Variants in PAG1 observed in about 807,000 individuals in gnomAD.
The protein encoded by PAG1 is phosphoprotein associated with glycosphingolipid-enriched microdomains 1.
In PAG1, 23 loss-of-function variants were observed where a neutral mutation model predicts 31.7. That is an observed-to-expected ratio of 0.73 (90% CI 0.52 to 1.03). PAG1 has a LOEUF of 1.03. Among genes scored for constraint, PAG1 ranks in the 50% least tolerant of loss-of-function variants. PAG1 has a pLI of 0.00. For synonymous variants in PAG1, 214 were observed against 210.3 expected, an observed-to-expected ratio of 1.02 and a Z score of -0.15; for missense variants, 473 against 540.7, an observed-to-expected ratio of 0.87 and a Z score of 1.24.
chr8:81,059,498 TA>T lies in PAG1; in HGVS notation c.-175+10613del, dbSNP rs540677152. 3.2e-3 allele frequency among the ~76,000 whole-genome samples: 489 copies of T among 152,272 alleles called. 1 individual carries two copies. The highest frequency in any genetic ancestry group is 5.6e-3 in the Non-Finnish European group (382 of 68,022). On this transcript the variant is annotated intron_variant, in intron 2 of 8. Transcript: ENST00000220597. ...AAACATACCTCCTGCTTGGAAGAAG[TA>T]AGTCAGGGTTTGTTTGCCTGGAGTC...
chr8:81,030,611 C>T (rs1033411801), intron 2 of PAG1, among the ~76,000 whole-genome samples: 4 of 152,166 alleles, frequency 2.6e-5, no homozygotes, highest in Non-Finnish European at 5.9e-5. Context: ...CAGATCTAGC[C>T]CCGAGTTGTC....
chr8:80,996,125 T>C (rs930193320), intron 3 of PAG1, among the ~76,000 whole-genome samples: 1 of 152,252 alleles, frequency 6.6e-6, no homozygotes. Flanking sequence ...AAGGCCCCAG[T>C]TGCGGGGGCA....
chr8:81,007,230 C>T (rs1807897441), intron 3 of PAG1, among the ~76,000 whole-genome samples: 1 of 152,092 alleles, frequency 6.6e-6, no homozygotes, highest in African/African-American at 2.4e-5. Context: ...GTGCCAACAA[C>T]ATCTTCTAGA....
chr8:80,991,441 C>T lies in PAG1; in HGVS notation c.177+38G>A, dbSNP rs368519997. 4.3e-5 allele frequency: 66 copies of T among 1,536,690 alleles called. No individual in the cohort carries two copies. The East Asian group carries it at 4.7e-4, about 11-fold the overall frequency. On this transcript the variant is annotated intron_variant, in intron 5 of 8. Transcript: ENST00000220597. ...GATAAGTAGCTGATGTTCTGGAGCA[C>T]GCACGGACAGACAGGCAGACGACAC...
chr8:81,058,226 T>C (rs750020529), intron 2 of PAG1, among the ~76,000 whole-genome samples: 2 of 152,172 alleles, frequency 1.3e-5, no homozygotes, highest in Non-Finnish European at 2.9e-5. Flanking sequence ...AAGGGACCTG[T>C]AGATTCTTAT....
intron 5 of PAG1, among the ~76,000 whole-genome samples, chr8:80,987,685 T>C (rs1347279537): frequency 6.6e-6 from 1 of 152,232 alleles, no homozygotes; most frequent in Non-Finnish European, 1.5e-5. Flanking sequence ...ATATAGACTA[T>C]GTCTTTTCCT....
chr8:81,065,452 G>A (rs1206472984), intron 2 of PAG1, among the ~76,000 whole-genome samples: 1 of 151,916 alleles, frequency 6.6e-6, no homozygotes. Flanking sequence ...TTTAAATTAG[G>A]GGAAAAAAAC....
intron 2 of PAG1, among the ~76,000 whole-genome samples, chr8:81,069,897 C>T (rs1426086932): frequency 6.6e-6 from 1 of 152,156 alleles, no homozygotes; most frequent in Non-Finnish European, 1.5e-5. Context: ...TACCCATTGG[C>T]GTCTTGGTTT....
intron 1 of PAG1, among the ~76,000 whole-genome samples, chr8:81,085,635 A>G (rs1328686743): frequency 6.6e-6 from 1 of 152,210 alleles, no homozygotes. Context: ...AGGAATATAT[A>G]GGATTTTGTG....
chr8:80,980,202 T>G (rs1009823150), intron 8 of PAG1, among the ~76,000 whole-genome samples: 4 of 152,234 alleles, frequency 2.6e-5, no homozygotes, highest in Non-Finnish European at 5.9e-5. Flanking sequence ...CCTGCTTTCC[T>G]GCTCAGTTTC....
intron 2 of PAG1, among the ~76,000 whole-genome samples, chr8:81,040,224 T>C (rs1239831948): frequency 6.6e-6 from 1 of 152,206 alleles, no homozygotes; most frequent in Non-Finnish European, 1.5e-5. Flanking sequence ...TTCAGAGTTA[T>C]ATTAATATAC....
chr8:81,021,782 G>C (rs1808176655), intron 3 of PAG1, among the ~76,000 whole-genome samples: 1 of 152,102 alleles, frequency 6.6e-6, no homozygotes, highest in African/African-American at 2.4e-5. Context: ...TGGAAACAGA[G>C]TTTCTGATTC....
intron 3 of PAG1, among the ~76,000 whole-genome samples, chr8:81,024,836 A>G (rs992295511): frequency 2.6e-5 from 4 of 152,218 alleles, no homozygotes; most frequent in South Asian, 2.1e-4. Flanking sequence ...ATTTTGCATA[A>G]TAACTTCCCT....
chr8:80,973,359 A>G lies in PAG1; in HGVS notation c.*3185T>C, dbSNP rs1390014589. On this transcript the variant is annotated 3_prime_UTR_variant, in exon 9 of 9. Coordinates refer to ENST00000220597, the MANE Select transcript of PAG1 (RefSeq NM_018440.4). ...GGATATTGAGACTATTTCAGAAAGT[A>G]GACACACTAAAAACATTTGACAAAT... The G allele has an allele frequency of 6.6e-6, 1 of 152,218 alleles. No individual in the cohort carries two copies. Among genetic ancestry groups the G allele is most frequent in the Non-Finnish European group, 1.5e-5 (1 of 68,032 alleles). 9.4% of individuals were successfully genotyped at this position (152,218 alleles called of 1,614,324 possible).
chr8:80,977,935 A>C (rs926210898), intron 8 of PAG1, among the ~76,000 whole-genome samples: 1 of 152,358 alleles, frequency 6.6e-6, no homozygotes, highest in Middle Eastern at 3.4e-3. Context: ...TCAAATACCC[A>C]GGAAATACAT....
intron 1 of PAG1, among the ~76,000 whole-genome samples, chr8:81,071,262 G>T (rs1339558226): frequency 6.6e-6 from 1 of 152,180 alleles, no homozygotes; most frequent in Admixed American, 6.5e-5. Flanking sequence ...TGGTCTAAGA[G>T]CCGCCTGAAT....
Position 81,024,284 on chromosome 8 carries a change from C to T in PAG1, c.-81+5712G>A, listed in dbSNP as rs879398633. On this transcript the variant is annotated intron_variant, in intron 3 of 8. Coordinates refer to ENST00000220597, the MANE Select transcript of PAG1 (RefSeq NM_018440.4). ...GCTGTTGGAAACCCCGATCCAGGCT[C>T]GGCCAATGCTAAGTTAGAGATGCAG... Among the ~76,000 whole-genome samples, 6 of 152,174 alleles carry T rather than the reference C, an allele frequency of 3.9e-5. No individual in the cohort carries two copies. In the South Asian group the frequency reaches 8.3e-4, roughly 21 times the overall value.
chr8:81,034,929 C>A (rs1808438656), intron 2 of PAG1, among the ~76,000 whole-genome samples: 2 of 152,118 alleles, frequency 1.3e-5, no homozygotes. Context: ...AGTAGAAGAG[C>A]CTGCTGCAGC....
chr8:81,040,344 A>G (rs1053071167), intron 2 of PAG1, among the ~76,000 whole-genome samples: 4 of 152,190 alleles, frequency 2.6e-5, no homozygotes, highest in African/African-American at 4.8e-5. Flanking sequence ...CTGAGCCACA[A>G]ACATAACCCA....
Sources: gnomAD v4.1 joint callset for allele counts (sites outside exome capture counted in the v4.1 genomes callset) on GRCh38, gnomAD v4.1.1 for gene constraint, MANE v1.5 for transcripts, NCBI Gene and HGNC (gene_info 2026-07-23, HGNC 2026-07-21) for gene names.